Variants in MT4 observed in about 807,000 individuals in gnomAD.
The protein encoded by MT4 is metallothionein 4.
A neutral mutation model predicts 9.5 loss-of-function variants in MT4; 11 were observed. The observed-to-expected ratio is 1.16, with a 90% CI of 0.73 to 1.92. The LOEUF (loss-of-function observed/expected upper bound fraction) is 1.92, where lower values mean the gene tolerates loss of function less well. MT4 is among the 30% of genes most tolerant of loss of function. MT4 has a pLI of 0.00. For synonymous variants in MT4, 29 were observed against 24.6 expected, an observed-to-expected ratio of 1.18 and a Z score of -0.53; for missense variants, 88 against 78.7, an observed-to-expected ratio of 1.12 and a Z score of -0.45.
chr16:56,566,598 GAGAA>G (rs1307765665), intron 1 of MT4, among the ~76,000 whole-genome samples: 1 of 146,562 alleles, frequency 6.8e-6, no homozygotes, highest in African/African-American at 2.5e-5. Context: ...GAGAGAGAGA[GAGAA>G]AGAGAGAAAG....
intron 2 of MT4, 152 bp from the exon 3 acceptor site, chr16:56,568,689 C>T: frequency 3.5e-6 from 2 of 564,676 alleles, no homozygotes; most frequent in Non-Finnish European, 6.2e-6. Flanking sequence ...TTCTAACATG[C>T]CTCAACCTCC....
chr16:56,567,693 T>G (rs369714975), intron 1 of MT4, 58 bp from the exon 2 acceptor site: 4 of 1,523,322 alleles, frequency 2.6e-6, no homozygotes, highest in Admixed American at 1.7e-5. Flanking sequence ...CATCATGCCT[T>G]ATGTTCCCCA....
At chr16:56,565,365 C>T (rs1228213779) in intron 1 of MT4, among the ~76,000 whole-genome samples, 2 of 152,224 alleles carry the variant, frequency 1.3e-5, no homozygotes, top group Admixed American at 1.3e-4. Flanking sequence ...AATCGATATC[C>T]TAGCTCAGGG....
Position 56,568,176 on chromosome 16 carries a change from AAAGG to A in MT4, c.97+380_97+383del, listed in dbSNP as rs71380952. 6.6e-4 allele frequency among the ~76,000 whole-genome samples: 93 copies of A among 141,468 alleles called. 1 individual carries two copies. The highest frequency in any genetic ancestry group is 5.0e-3 in the East Asian group (24 of 4,820). 92.8% of individuals were successfully genotyped at this position (141,468 alleles called of 152,430 possible). The stretch of plus-strand genomic sequence containing the variant: ...CAAAAAAGAAAAGGAAGGAAGGAAG[AAAGG>A]AAGGAAGGAAGGAAGGAAGAGAGAG... On this transcript the variant is annotated intron_variant, in intron 2 of 2. Coordinates refer to ENST00000219162, the MANE Select transcript of MT4 (RefSeq NM_032935.3).
At chr16:56,568,201 G>A (rs1378575084) in intron 2 of MT4, among the ~76,000 whole-genome samples, 4 of 70,016 alleles carry the variant, frequency 5.7e-5, no homozygotes, top group Non-Finnish European at 1.1e-4. Flanking sequence ...GGAAGGAAGA[G>A]AGAGAGAGAG....
intron 1 of MT4, among the ~76,000 whole-genome samples, chr16:56,567,462 C>T (rs1207972387): frequency 6.6e-6 from 1 of 152,206 alleles, no homozygotes; most frequent in Non-Finnish European, 1.5e-5. Flanking sequence ...CCCACCAAGA[C>T]TTATGAATCA....
At chr16:56,567,222 C>G (rs1000082211) in intron 1 of MT4, among the ~76,000 whole-genome samples, 3 of 151,764 alleles carry the variant, frequency 2.0e-5, no homozygotes, top group Non-Finnish European at 2.9e-5. Flanking sequence ...TGGGGTTTCT[C>G]CATGTTGGCC....
chr16:56,566,165 C>G (rs1019759236), intron 1 of MT4, among the ~76,000 whole-genome samples: 11 of 152,084 alleles, frequency 7.2e-5, no homozygotes, highest in African/African-American at 2.7e-4. Flanking sequence ...GCAAAAGAGG[C>G]AGAAGCTTCC....
At chr16:56,566,718 GAAAGAAAGAAAGAAAGAAAGAAA>G (rs1567329775) in intron 1 of MT4, among the ~76,000 whole-genome samples, 1 of 25,700 alleles carries the variant, frequency 3.9e-5, no homozygotes, top group African/African-American at 1.2e-4. Flanking sequence ...AAGAAAGAAA[GAAAGAAAGAAAGAAAGAAAGAAA>G]GAAAGAAGGA....
chr16:56,567,821 G>C lies in MT4; in HGVS notation c.97+5G>C. The C allele has an allele frequency of 6.2e-7, 1 of 1,611,182 alleles. No individual in the cohort carries two copies. Among genetic ancestry groups the C allele is most frequent in the Non-Finnish European group, 8.5e-7 (1 of 1,177,672 alleles). ...ACTGTAAAACATATTGGAAGAGTGA[G>C]TATGGTGACTGGGGGCACCATGGGC... On this transcript the variant is annotated splice_donor_5th_base_variant and intron_variant, in intron 2 of 2. Coordinates refer to ENST00000219162, the MANE Select transcript of MT4 (RefSeq NM_032935.3).
intron 2 of MT4, 53 bp from the exon 3 acceptor site, chr16:56,568,788 T>G: frequency 1.3e-5 from 17 of 1,272,512 alleles, no homozygotes; most frequent in South Asian, 2.9e-5. Flanking sequence ...GGGGCAGTGG[T>G]GAGATGGAAG....
intron 2 of MT4, 67 bp from the exon 3 acceptor site, chr16:56,568,774 G>A: frequency 9.1e-7 from 1 of 1,099,918 alleles, no homozygotes; most frequent in Non-Finnish European, 1.3e-6. Flanking sequence ...TCTAAGTAGT[G>A]GGAGGGGCAG....
chr16:56,568,000 A>G (rs1399778927), intron 2 of MT4, among the ~76,000 whole-genome samples, 184 bp downstream of exon 2: 1 of 151,648 alleles, frequency 6.6e-6, no homozygotes, highest in Non-Finnish European at 1.5e-5. Context: ...TAAAAATACA[A>G]TAATTAGCTG....
chr16:56,566,718 GAAA>G (rs1959525329), intron 1 of MT4, among the ~76,000 whole-genome samples: 4 of 25,744 alleles, frequency 1.6e-4, no homozygotes, highest in Admixed American at 4.4e-4. Flanking sequence ...AAGAAAGAAA[GAAA>G]GAAAGAAAGA....
At chr16:56,568,295 AAG>A (rs1959578309) in intron 2 of MT4, among the ~76,000 whole-genome samples, 1 of 143,892 alleles carries the variant, frequency 6.9e-6, no homozygotes, top group Non-Finnish European at 1.5e-5. Flanking sequence ...GAAAGAAAGA[AAG>A]AAAGAAAGAA....
rs775462998 is a variant in MT4, at chr16:56,568,900, G to A, written c.157G>A (p.Gly53Arg). 1.2e-6 allele frequency: 2 copies of A among 1,608,122 alleles called. No individual in the cohort carries two copies. Among genetic ancestry groups the A allele is most frequent in the Admixed American group, 3.4e-5 (2 of 59,264 alleles). Reference sequence around the variant, plus strand: ...ATGTGCCCGGGGCTGCATCTGCAAAGGAGGCTCAGACAAGTGCAGCTGCTG... The same window carrying A: ...ATGTGCCCGGGGCTGCATCTGCAAAAGAGGCTCAGACAAGTGCAGCTGCTG... ...AKCARGCICKGGSDKCSCCP is the reference protein window; with the variant it reads ...AKCARGCICKRGSDKCSCCP Residue 53 changes from glycine to arginine, a missense_variant, in exon 3 of 3, where the codon GGA becomes AGA. Transcript: ENST00000219162.
rs752987679 is a variant in MT4, at chr16:56,568,839, A to G, written c.98-2A>G. The G allele has an allele frequency of 1.5e-4, 246 of 1,594,182 alleles. No individual in the cohort carries two copies. The highest frequency in any genetic ancestry group is 2.0e-4 in the Non-Finnish European group (234 of 1,169,846). On this transcript the variant is annotated splice_acceptor_variant, in intron 2 of 2. Coordinates refer to ENST00000219162, the MANE Select transcript of MT4 (RefSeq NM_032935.3). LOFTEE classifies it high-confidence loss of function. ...GATCTGCGCATCTCCTGACTCTTTC[A>G]GGCTGCTGTCCCTGCTGCCCCCCGG...
At chr16:56,568,257 A>AAGAGAGAGAGAGAGAG (rs200348412) in intron 2 of MT4, among the ~76,000 whole-genome samples, 1 of 83,186 alleles carries the variant, frequency 1.2e-5, no homozygotes, top group Non-Finnish European at 2.3e-5. Context: ...GAAAGAAAGA[A>AAGAGAGAGAGAGAGAG]AGAGAGAGAG....
Position 56,568,271 on chromosome 16 carries a change from G to GAGAGAA in MT4, c.97+458_97+459insGAAAGA, listed in dbSNP as rs1567330643. 1.4e-4 allele frequency among the ~76,000 whole-genome samples: 8 copies of GAGAGAA among 58,636 alleles called. No individual in the cohort carries two copies. In the South Asian group the frequency reaches 2.5e-3, roughly 18 times the overall value. The allele number at this position is 58,636 out of a possible 152,430, so 38.5% of individuals were successfully genotyped here. A position where few individuals can be genotyped will look rare whatever the true frequency, so the allele number is the denominator to read the frequency against. ...AGAAAGAAAGAAAGAGAGAGAGAGA[G>GAGAGAA]AGAAAGAAAGAAAGAAAGAAAGAAA... On this transcript the variant is annotated intron_variant, in intron 2 of 2. Coordinates refer to ENST00000219162, the MANE Select transcript of MT4 (RefSeq NM_032935.3).
Sources: gnomAD v4.1 joint callset for allele counts (sites outside exome capture counted in the v4.1 genomes callset) on GRCh38, gnomAD v4.1.1 for gene constraint, MANE v1.5 for transcripts, NCBI Gene and HGNC (gene_info 2026-07-23, HGNC 2026-07-21) for gene names.